Variants in ERC1 observed in about 807,000 individuals in gnomAD.
The protein encoded by ERC1 is ELKS/RAB6-interacting/CAST family member 1.
A neutral mutation model predicts 132.0 loss-of-function variants in ERC1; 56 were observed. The ratio of observed to expected loss-of-function variants is 0.42; its 90% confidence interval spans 0.34 to 0.53. The LOEUF is 0.53. ERC1 is among the 20% of genes least tolerant of loss of function. The pLI is 0.03. For missense variants in ERC1, 1,202 were observed against 1,349.9 expected (o/e 0.89, Z 1.72); for synonymous variants, 478 against 476.1 (o/e 1.00, Z -0.05).
At chr12:1,293,014 G>T (rs754707402) in intron 15 of ERC1, among the ~76,000 whole-genome samples, 1 of 151,744 alleles carries the variant, frequency 6.6e-6, no homozygotes, top group Non-Finnish European at 1.5e-5. Context: ...GTGTGGTGGC[G>T]CACACTGTAA....
chr12:1,353,179 C>T (rs866920658), intron 15 of ERC1, among the ~76,000 whole-genome samples: 6 of 151,856 alleles, frequency 4.0e-5, no homozygotes, highest in African/African-American at 1.2e-4. Flanking sequence ...TACAGGCGCC[C>T]GCCACCACAC....
intron 2 of ERC1, among the ~76,000 whole-genome samples, chr12:1,060,838 G>A (rs192983769): frequency 2.4e-4 from 36 of 151,308 alleles, no homozygotes; most frequent in Middle Eastern, 3.4e-3. Context: ...CCATTCTCCT[G>A]CCTCAGCCTC....
At chr12:1,098,792 G>A (rs750658832) in intron 3 of ERC1, among the ~76,000 whole-genome samples, 15 of 152,192 alleles carry the variant, frequency 9.9e-5, no homozygotes, top group Middle Eastern at 3.2e-3. Context: ...CAGCATTTCC[G>A]TTGTATTTTA....
chr12:1,183,222 A>C, intron 10 of ERC1, 59 bp from the exon 11 acceptor site: 2 of 1,219,870 alleles, frequency 1.6e-6, no homozygotes, highest in East Asian at 5.5e-5. Context: ...TAAATTTAAA[A>C]ATTTAAACCT....
chr12:1,204,617 C>G, intron 12 of ERC1: 1 of 1,005,284 alleles, frequency 9.9e-7, no homozygotes, highest in Non-Finnish European at 1.5e-6. Flanking sequence ...AGAGGGATAT[C>G]TAGAAATCTA....
intron 2 of ERC1, among the ~76,000 whole-genome samples, chr12:1,076,531 T>A (rs35092149): frequency 0.23 from 34,323 of 151,534 alleles, 4,255 homozygotes; most frequent in Middle Eastern, 0.28. Flanking sequence ...AGTAGCTGGG[T>A]TTACAGGCGC....
Position 1,125,195 on chromosome 12 carries a change from T to C in ERC1, c.1569+9162T>C, listed in dbSNP as rs183063802. On this transcript the variant is annotated intron_variant, in intron 7 of 18. Coordinates refer to ENST00000360905, the MANE Select transcript of ERC1 (RefSeq NM_178040.4). ...ATTTTTAGTAGAAATGGGGTTTCAC[T>C]GTGTTAGCCAGGCTGGTCTCAATCT... 3.6e-3 allele frequency among the ~76,000 whole-genome samples: 551 copies of C among 151,956 alleles called. 8 individuals are homozygous for C. The highest frequency in any genetic ancestry group is 0.013 in the African/African-American group (519 of 41,464).
intron 3 of ERC1, among the ~76,000 whole-genome samples, chr12:1,097,487 A>G (rs764062453): frequency 2.0e-5 from 3 of 151,982 alleles, no homozygotes; most frequent in African/African-American, 7.3e-5. Flanking sequence ...TCTCCCCACT[A>G]TTTGGAACTT....
chr12:1,231,913 T>C (rs1594401467), intron 12 of ERC1, among the ~76,000 whole-genome samples: 1 of 152,288 alleles, frequency 6.6e-6, no homozygotes, highest in East Asian at 1.9e-4. Context: ...CTAATTTTTG[T>C]ATTTTTAGTA....
At chr12:1,166,135 T>C (rs1163745973) in intron 8 of ERC1, among the ~76,000 whole-genome samples, 1 of 152,200 alleles carries the variant, frequency 6.6e-6, no homozygotes, top group African/African-American at 2.4e-5. Flanking sequence ...GTGGTTTGGC[T>C]GTGTCCCCAC....
rs1203327089 is a variant in ERC1 at position 1,225,644 on chromosome 12, G to C, written c.2352-11125G>C. 1.3e-5 allele frequency among the ~76,000 whole-genome samples: 2 copies of C among 152,214 alleles called. 1 individual carries two copies. The highest frequency in any genetic ancestry group is 4.8e-5 in the African/African-American group (2 of 41,454). On this transcript the variant is annotated intron_variant, in intron 12 of 18. Coordinates refer to ENST00000360905, the MANE Select transcript of ERC1 (RefSeq NM_178040.4). ...CTCTTCGATATAATTGTGATGGAAA[G>C]TGCTGAGGAATGAAATTGGCTTTGA...
chr12:1,256,016 C>T (rs1399777596), intron 13 of ERC1, among the ~76,000 whole-genome samples: 1 of 151,978 alleles, frequency 6.6e-6, no homozygotes, highest in Non-Finnish European at 1.5e-5. Context: ...GAGCATTTTT[C>T]AAGTCTGTTG....
At chr12:1,304,928 T>C (rs1054977948) in intron 15 of ERC1, among the ~76,000 whole-genome samples, 8 of 151,328 alleles carry the variant, frequency 5.3e-5, no homozygotes, top group Non-Finnish European at 1.5e-5. Context: ...TAGCTGGGAC[T>C]ACAGGCGCCC....
intron 17 of ERC1, among the ~76,000 whole-genome samples, chr12:1,412,276 T>C (rs1351181702): frequency 2.0e-5 from 3 of 152,212 alleles, no homozygotes; most frequent in African/African-American, 4.8e-5. Flanking sequence ...AAATTGACGA[T>C]TTACCTTATC....
chr12:1,083,621 CTTT>C, intron 3 of ERC1, 41 bp downstream of exon 3: 1 of 1,473,882 alleles, frequency 6.8e-7, no homozygotes, highest in South Asian at 1.3e-5. Flanking sequence ...TGTTGGTTAT[CTTT>C]TTTTTCACTG....
At chr12:1,384,571 T>A (rs1355312550) in intron 16 of ERC1, among the ~76,000 whole-genome samples, 1 of 152,194 alleles carries the variant, frequency 6.6e-6, no homozygotes, top group Non-Finnish European at 1.5e-5. Context: ...TTAATTTGCA[T>A]ACTTAACAGC....
At chr12:1,449,040 G>T (rs1408467262) in intron 18 of ERC1, among the ~76,000 whole-genome samples, 2 of 152,216 alleles carry the variant, frequency 1.3e-5, no homozygotes, top group Non-Finnish European at 2.9e-5. Flanking sequence ...GATCATTCTG[G>T]AACTTTAAGG....
chr12:1,380,782 AAGCC>A (rs1206789253), intron 16 of ERC1: 2 of 152,394 alleles, frequency 1.3e-5, no homozygotes, highest in Non-Finnish European at 2.9e-5. Flanking sequence ...ACAACTGGAA[AAGCC>A]CATTCATCAT....
chr12:1,299,979 T>C (rs996547690), intron 15 of ERC1, among the ~76,000 whole-genome samples: 10 of 152,196 alleles, frequency 6.6e-5, no homozygotes, highest in African/African-American at 2.4e-4. Flanking sequence ...ATTTGTCATA[T>C]GGAACCAAAA....
Sources: allele counts gnomAD v4.1 joint callset (sites outside exome capture counted in the v4.1 genomes callset), GRCh38; gene constraint gnomAD v4.1.1; transcripts MANE v1.5; gene names NCBI Gene and HGNC (gene_info 2026-07-23, HGNC 2026-07-21).